The following HFM1 variants were observed in gnomAD, a reference collection of about 807,000 sequenced individuals.
The protein encoded by HFM1 is probable ATP-dependent DNA helicase HFM1.
Under a neutral mutation model 192.1 loss-of-function variants are expected in HFM1, and 169 were observed. That is an observed-to-expected ratio of 0.88 (90% CI 0.78 to 1.00). The LOEUF is 1.00. Ranked by LOEUF, HFM1 falls within the 50% of genes least tolerant of loss-of-function variation. The pLI, the probability that HFM1 is intolerant of heterozygous loss-of-function variation, is 0.00. For missense variants in HFM1, 1,661 were observed against 1,668.0 expected (o/e 1.00, Z 0.07); for synonymous variants, 525 against 537.8 (o/e 0.98, Z 0.33).
At chr1:91,270,783 A>G (rs184349631) in intron 34 of HFM1, among the ~76,000 whole-genome samples, 2 of 152,286 alleles carry the variant, frequency 1.3e-5, no homozygotes, top group East Asian at 3.9e-4. Flanking sequence ...CAGAACTTAG[A>G]AAGTCACTAA....
intron 4 of HFM1, among the ~76,000 whole-genome samples, chr1:91,387,323 A>G (rs903072709): frequency 6.6e-6 from 1 of 152,010 alleles, no homozygotes; most frequent in Admixed American, 6.5e-5. Context: ...TCAAAAAGCG[A>G]CGTCGCTATG....
intron 25 of HFM1, among the ~76,000 whole-genome samples, chr1:91,318,456 TA>T (rs1481156778): frequency 1.3e-5 from 2 of 152,212 alleles, no homozygotes; most frequent in Non-Finnish European, 2.9e-5. Context: ...TTTAGAATTC[TA>T]GCTATCTAAG....
At chr1:91,346,244 T>C (rs1251668121) in intron 19 of HFM1, among the ~76,000 whole-genome samples, 1 of 152,228 alleles carries the variant, frequency 6.6e-6, no homozygotes, top group Non-Finnish European at 1.5e-5. Context: ...GCTGTGATTC[T>C]GCTAATTTAA....
intron 30 of HFM1, among the ~76,000 whole-genome samples, chr1:91,283,136 C>T (rs562186483): frequency 2.6e-5 from 4 of 152,226 alleles, no homozygotes; most frequent in African/African-American, 7.2e-5. Context: ...CTCCCTTTAC[C>T]CTGCCGCCCT....
At position 91,380,236 on chromosome 1, in the gene HFM1, G is replaced by C; in HGVS notation, c.874C>G (p.Leu292Val). The C allele has an allele frequency of 6.6e-7, 1 of 1,518,414 alleles. No homozygotes were observed. The highest frequency in any genetic ancestry group is 8.9e-7 in the Non-Finnish European group (1 of 1,129,862). The allele number at this position is 1,518,414 out of a possible 1,614,324, so 94.1% of individuals were successfully genotyped here. A position where few individuals can be genotyped will look rare whatever the true frequency, so the allele number is the denominator to read the frequency against. Residue 292 changes from leucine to valine, a missense_variant and splice_region_variant, in exon 8 of 39, where the codon CTT (leucine) becomes GTT (valine). Leu to Val is a conservative substitution (Grantham distance 32). Coordinates refer to ENST00000370425, the MANE Select transcript of HFM1 (RefSeq NM_001017975.6). ...NYIQSKAFDD[L>V]LYTDRNFVIC... The stretch of plus-strand genomic sequence containing the variant: ...ACAAAATTCCTATCTGTGTAAAGAA[G>C]CTAAAAAATAAAAAGTAATCAATCA...
chr1:91,266,197 T>C, intron 35 of HFM1, 90 bp from the exon 36 acceptor site: 3 of 953,534 alleles, frequency 3.1e-6, no homozygotes, highest in Non-Finnish European at 4.8e-6. Flanking sequence ...CTCCAACAGA[T>C]ATGATCTGAT....
intron 30 of HFM1, among the ~76,000 whole-genome samples, chr1:91,284,505 G>A (rs1354740204): frequency 2.0e-5 from 3 of 152,128 alleles, no homozygotes; most frequent in Middle Eastern, 3.4e-3. Flanking sequence ...GCCTGCCTTC[G>A]GCCTCCCAAA....
chr1:91,273,646 C>T (rs997423043), intron 34 of HFM1, 66 bp downstream of exon 34: 7 of 794,344 alleles, frequency 8.8e-6, no homozygotes, highest in Non-Finnish European at 1.5e-5. Context: ...TTCAATAACA[C>T]TACTCGTCAA....
At chr1:91,278,257 G>C (rs1667134841) in intron 30 of HFM1, among the ~76,000 whole-genome samples, 1 of 151,896 alleles carries the variant, frequency 6.6e-6, no homozygotes, top group African/African-American at 2.4e-5. Context: ...TTTCCATCCT[G>C]ACTCCTCTAA....
chr1:91,293,083 C>T (rs1184951980), intron 30 of HFM1, among the ~76,000 whole-genome samples: 1 of 152,136 alleles, frequency 6.6e-6, no homozygotes, highest in African/African-American at 2.4e-5. Flanking sequence ...AACGTTAGAC[C>T]TAAAACCATA....
At position 91,324,277 on chromosome 1, in the gene HFM1, T is replaced by C. The variant is rs146810134; in HGVS notation, c.2427+398A>G. ...AAGGGTTGCAAGTACGTGGCACACA[T>C]GCTGCATGCAACTCACTGTCCTTCA... is the stretch of plus-strand genomic sequence containing the variant. On this transcript the variant is annotated intron_variant, in intron 21 of 38. Transcript: ENST00000370425. Among the ~76,000 whole-genome samples the C allele has an allele frequency of 2.8e-4, 42 of 152,348 alleles. 1 individual carries two copies. The East Asian group carries it at 7.3e-3, about 27-fold the overall frequency.
At chr1:91,384,961 T>C (rs1224035277) in intron 6 of HFM1, among the ~76,000 whole-genome samples, 1 of 152,018 alleles carries the variant, frequency 6.6e-6, no homozygotes, top group Non-Finnish European at 1.5e-5. Flanking sequence ...GTCAGGCTGG[T>C]CTCGAACTCC....
At chr1:91,330,831 T>A (rs1653720186) in intron 20 of HFM1, among the ~76,000 whole-genome samples, 1 of 152,186 alleles carries the variant, frequency 6.6e-6, no homozygotes, top group Non-Finnish European at 1.5e-5. Context: ...ATCCCAGGGA[T>A]GCAAGGATAG....
chr1:91,379,947 T>C (rs1432342992), intron 8 of HFM1, among the ~76,000 whole-genome samples, 157 bp downstream of exon 8: 1 of 152,106 alleles, frequency 6.6e-6, no homozygotes, highest in African/African-American at 2.4e-5. Context: ...TTTTGGAAAA[T>C]GTGTTTTAAA....
chr1:91,394,345 G>C lies in HFM1; in HGVS notation c.242C>G (p.Thr81Arg), dbSNP rs757016511. 26 of 1,576,008 alleles carry C rather than the reference G, an allele frequency of 1.6e-5. No individual in the cohort carries two copies. The highest frequency in any genetic ancestry group is 2.3e-5 in the Non-Finnish European group (26 of 1,147,590). The change falls in exon 4 of 39, where the codon ACA becomes AGA. Residue 81 changes from threonine (T) to arginine (R), a missense_variant. By Grantham distance (71) the Thr-to-Arg change is moderately conservative. Transcript: ENST00000370425. ...TTTTTGTGTTAGTGAAATATAATTTGTATCTTCATTAGTTATCTTTAAATT... is the reference window on the plus strand; with the variant it reads ...TTTTTGTGTTAGTGAAATATAATTTCTATCTTCATTAGTTATCTTTAAATT... ...TSNLKITNED[T>R]NYISLTQKFQ...
chr1:91,323,224 T>C, intron 21 of HFM1, 25 bp from the exon 22 acceptor site: 1 of 1,185,148 alleles, frequency 8.4e-7, no homozygotes, highest in Non-Finnish European at 1.2e-6. Context: ...TAGTTGTCCA[T>C]TTAATGAAGT....
At chr1:91,273,882 T>C (rs1213563047) in intron 33 of HFM1, 67 bp from the exon 34 acceptor site, 7 of 847,334 alleles carry the variant, frequency 8.3e-6, no homozygotes, top group South Asian at 1.6e-5. Flanking sequence ...CTGAAAACTA[T>C]TTATTCATAT....
Position 91,385,181 on chromosome 1 carries a change from G to A in HFM1, c.802+6C>T. 6.7e-7 allele frequency: 1 copy of A among 1,495,624 alleles called. No homozygotes were observed. Among genetic ancestry groups the A allele is most frequent in the Non-Finnish European group, 9.3e-7 (1 of 1,080,512 alleles). 92.6% of individuals were successfully genotyped at this position (1,495,624 alleles called of 1,614,324 possible). A position where few individuals can be genotyped will look rare whatever the true frequency, so the allele number is the denominator to read the frequency against. On this transcript the variant is annotated splice_donor_region_variant and intron_variant, in intron 6 of 38. Coordinates refer to ENST00000370425, the MANE Select transcript of HFM1 (RefSeq NM_001017975.6). The stretch of plus-strand genomic sequence containing the variant: ...AAGCAGCTATTGTAAATAACTTAAA[G>A]GATACGAATTTCTGTGACAGCCTTC...
rs377647325 is a variant in HFM1 at position 91,315,849 on chromosome 1, C to A, written c.3106G>T (p.Ala1036Ser). The A allele has an allele frequency of 4.3e-6, 7 of 1,609,760 alleles. No individual in the cohort carries two copies. Among genetic ancestry groups the A allele is most frequent in the African/African-American group, 1.3e-5 (1 of 74,700 alleles). ...TGCAGATAAACTACTTGATTATCTG[C>A]GTCACCTATGATTAAGGTAACATAG... ...SHYVTLIIGD[A>S]DNQVVYLHKI... The change falls in exon 28 of 39, where the codon GCA becomes TCA. Residue 1036 changes from alanine to serine, a missense_variant. By Grantham distance (99) the Ala-to-Ser change is moderately conservative. Coordinates refer to ENST00000370425, the MANE Select transcript of HFM1 (RefSeq NM_001017975.6).
Sources: gnomAD v4.1 joint callset for allele counts (sites outside exome capture counted in the v4.1 genomes callset) on GRCh38, gnomAD v4.1.1 for gene constraint, MANE v1.5 for transcripts, NCBI Gene and HGNC (gene_info 2026-07-23, HGNC 2026-07-21) for gene names.